Variants in SHISA7 observed in about 807,000 individuals in gnomAD.
The protein encoded by SHISA7 is shisa family member 7.
A neutral mutation model predicts 23.9 loss-of-function variants in SHISA7; 6 were observed. The ratio of observed to expected loss-of-function variants is 0.25; its 90% CI spans 0.14 to 0.50. The LOEUF (loss-of-function observed/expected upper bound fraction) is 0.50. SHISA7 is among the 20% of genes least tolerant of loss of function. The probability of loss-of-function intolerance (pLI) is 0.98; values close to 1 mark genes in which losing one functional copy is unlikely to be tolerated. For missense variants in SHISA7, 671 were observed against 801.1 expected (o/e 0.84, Z 1.96); for synonymous variants, 386 against 398.3 (o/e 0.97, Z 0.37).
intron 3 of SHISA7, among the ~76,000 whole-genome samples, chr19:55,436,316 A>C (rs999681537): frequency 6.7e-6 from 1 of 149,654 alleles, no homozygotes; most frequent in Non-Finnish European, 1.5e-5. Flanking sequence ...ATGAAACAAA[A>C]CAAAAAACGC....
At chr19:55,435,955 T>C (rs527283684) in intron 3 of SHISA7, among the ~76,000 whole-genome samples, 8 of 40,860 alleles carry the variant, frequency 2.0e-4, no homozygotes, top group African/African-American at 4.7e-4. Flanking sequence ...AATATACACA[T>C]GTGTGTGTGT....
Position 55,442,637 on chromosome 19 carries a change from GGCGCCCGGGCCGCC to G in SHISA7, c.213_226del (p.Ala72ProfsTer41). 1.5e-6 allele frequency: 2 copies of G among 1,355,806 alleles called. No homozygotes were observed. Among genetic ancestry groups the G allele is most frequent in the South Asian group, 1.5e-5 (1 of 66,860 alleles). 84.0% of individuals were successfully genotyped at this position (1,355,806 alleles called of 1,614,324 possible). A position where few individuals can be genotyped will look rare whatever the true frequency, so the allele number is the denominator to read the frequency against. On this transcript the variant is annotated frameshift_variant, in exon 1 of 4. Coordinates refer to ENST00000376325, the MANE Select transcript of SHISA7 (RefSeq NM_001145176.2). LOFTEE classifies it high-confidence loss of function. ...GCCGTGGCAGAGCTCGGCGGGAGGGGGCGCCCGGGCCGCCGCGCCCGCCCCGCCCGCGGGGCCGG... is the reference window on the plus strand; with the variant it reads ...GCCGTGGCAGAGCTCGGCGGGAGGGGGCGCCCGCCCCGCCCGCGGGGCCGG...
At chr19:55,441,420 TCTC>T (rs1457563570) in intron 1 of SHISA7, among the ~76,000 whole-genome samples, 2 of 152,196 alleles carry the variant, frequency 1.3e-5, no homozygotes, top group African/African-American at 2.4e-5. Context: ...CCCGCCTACT[TCTC>T]CTCACCTCCT....
Position 55,432,857 on chromosome 19 carries a change from A to T in SHISA7, c.*299T>A. On this transcript the variant is annotated 3_prime_UTR_variant, in exon 4 of 4. Coordinates refer to ENST00000376325, the MANE Select transcript of SHISA7 (RefSeq NM_001145176.2). The surrounding 1 kb of genome is among the most constrained non-coding windows in gnomAD (Gnocchi z 4.6). ...CGGCCTCTTCCTCTGTGATGACCTC[A>T]TGGGAACGAGGCTTTGTCCCTGTGA... 1 of 362,322 alleles carries T rather than the reference A, an allele frequency of 2.8e-6. No homozygotes were observed. 22.4% of individuals were successfully genotyped at this position (362,322 alleles called of 1,614,324 possible). A position where few individuals can be genotyped will look rare whatever the true frequency, so the allele number is the denominator to read the frequency against.
chr19:55,432,466 A>T lies in SHISA7; in HGVS notation c.*690T>A, dbSNP rs1216668998. On this transcript the variant is annotated 3_prime_UTR_variant, in exon 4 of 4. Coordinates refer to ENST00000376325, the MANE Select transcript of SHISA7 (RefSeq NM_001145176.2). The surrounding 1 kb of genome is among the most constrained non-coding windows in gnomAD (Gnocchi z 4.6). ...CTCTGGTGATGGCATCACAGGAAGG[A>T]GGCAGGGTCCCTGTGATGATGTTGT... is the stretch of plus-strand genomic sequence containing the variant. The T allele has an allele frequency of 6.6e-6, 1 of 152,592 alleles. No homozygotes were observed. The highest frequency in any genetic ancestry group is 1.5e-5 in the Non-Finnish European group (1 of 68,012). The allele number at this position is 152,592 out of a possible 1,614,324, so 9.5% of individuals were successfully genotyped here. A position where few individuals can be genotyped will look rare whatever the true frequency, so the allele number is the denominator to read the frequency against.
chr19:55,442,403 C>A lies in SHISA7; in HGVS notation c.461G>T (p.Gly154Val). Residue 154 changes from glycine to valine, a missense_variant, in exon 1 of 4, where the codon GGC (glycine) becomes GTC (valine). Gly to Val is a moderately radical substitution (Grantham distance 109). Around this residue, in one of 5 missense-constraint regions of SHISA7, gnomAD observed 59 missense variants for 57.2 expected, o/e 1.03. Coordinates refer to ENST00000376325, the MANE Select transcript of SHISA7 (RefSeq NM_001145176.2). ...AGGAGGAGGA[G>V]GGPGPGQAGW... The stretch of plus-strand genomic sequence containing the variant: ...GGCCTGGCCGGGCCCTGGCCCCCCG[C>A]CCGCACCCCCAGCGCCCCCGGCGCC... 7.2e-7 allele frequency: 1 copy of A among 1,379,810 alleles called. No homozygotes were observed. Among genetic ancestry groups the A allele is most frequent in the Non-Finnish European group, 9.4e-7 (1 of 1,069,470 alleles). The allele number at this position is 1,379,810 out of a possible 1,614,324, so 85.5% of individuals were successfully genotyped here.
rs1217967781 is a variant in SHISA7, at chr19:55,433,467, C to T, written c.1306G>A (p.Ala436Thr). 2 of 1,387,416 alleles carry T rather than the reference C, an allele frequency of 1.4e-6. No individual in the cohort carries two copies. Among genetic ancestry groups the T allele is most frequent in the Non-Finnish European group, 1.9e-6 (2 of 1,077,776 alleles). 85.9% of individuals were successfully genotyped at this position (1,387,416 alleles called of 1,614,324 possible). A position where few individuals can be genotyped will look rare whatever the true frequency, so the allele number is the denominator to read the frequency against. The change falls in exon 4 of 4, where the codon GCG (alanine) becomes ACG (threonine). Residue 436 changes from alanine to threonine, a missense_variant. By Grantham distance (58) the Ala-to-Thr change is moderately conservative. Around this residue, in one of 5 missense-constraint regions of SHISA7, gnomAD observed 457 missense variants for 488.3 expected, o/e 0.94. Transcript: ENST00000376325. The surrounding 1 kb of genome is among the most constrained non-coding windows in gnomAD (Gnocchi z 8.4). Reference sequence around the variant, plus strand: ...CGGGCGGTGGGGTCGGGGGGCAGCGCGGGGCTGCGCGGGGGCGACAGCAGG... The same window carrying T: ...CGGGCGGTGGGGTCGGGGGGCAGCGTGGGGCTGCGCGGGGGCGACAGCAGG... ...EHLLSPPRSPALPPDPTARAS... is the reference protein window; with the variant it reads ...EHLLSPPRSPTLPPDPTARAS...
chr19:55,432,468 G>T lies in SHISA7; in HGVS notation c.*688C>A, dbSNP rs139712863. 1 of 152,722 alleles carries T rather than the reference G, an allele frequency of 6.5e-6. No individual in the cohort carries two copies. Among genetic ancestry groups the T allele is most frequent in the African/African-American group, 2.4e-5 (1 of 41,552 alleles). 9.5% of individuals were successfully genotyped at this position (152,722 alleles called of 1,614,324 possible). A position where few individuals can be genotyped will look rare whatever the true frequency, so the allele number is the denominator to read the frequency against. ...CTGGTGATGGCATCACAGGAAGGAG[G>T]CAGGGTCCCTGTGATGATGTTGTGA... On this transcript the variant is annotated 3_prime_UTR_variant, in exon 4 of 4. Transcript: ENST00000376325. The surrounding 1 kb of genome is among the most constrained non-coding windows in gnomAD (Gnocchi z 4.6).
chr19:55,434,578 TG>T (rs1985334441), intron 3 of SHISA7, among the ~76,000 whole-genome samples: 1 of 91,014 alleles, frequency 1.1e-5, no homozygotes. Flanking sequence ...GTGTGTATGG[TG>T]TGTGTGTGGT....
intron 3 of SHISA7, among the ~76,000 whole-genome samples, chr19:55,436,351 T>C (rs1985459045): frequency 6.6e-6 from 1 of 151,414 alleles, no homozygotes; most frequent in Non-Finnish European, 1.5e-5. Flanking sequence ...CACGCCTTAA[T>C]CCCAGCACTT....
intron 3 of SHISA7, among the ~76,000 whole-genome samples, chr19:55,434,265 T>C (rs997748437): frequency 2.5e-4 from 35 of 141,970 alleles, no homozygotes; most frequent in Non-Finnish European, 1.2e-4. Context: ...TGCAGACGCG[T>C]GTGTGTGTGT....
chr19:55,440,306 G>T (rs1985565206), intron 2 of SHISA7, among the ~76,000 whole-genome samples: 2 of 152,226 alleles, frequency 1.3e-5, no homozygotes, highest in Non-Finnish European at 2.9e-5. Context: ...CTTGTGTGTA[G>T]TTGGCTGTTA....
At chr19:55,438,023 C>T (rs1291756708) in intron 2 of SHISA7, among the ~76,000 whole-genome samples, 1 of 144,060 alleles carries the variant, frequency 6.9e-6, no homozygotes, top group Non-Finnish European at 1.5e-5. Context: ...CTCCCTCAGA[C>T]CCAGGCGTCC....
chr19:55,439,347 T>C (rs1985541410), intron 2 of SHISA7, among the ~76,000 whole-genome samples: 1 of 152,194 alleles, frequency 6.6e-6, no homozygotes, highest in Admixed American at 6.5e-5. Flanking sequence ...TCTCCACCCC[T>C]GATCCCAGCT....
At chr19:55,439,712 C>T (rs772764499) in intron 2 of SHISA7, among the ~76,000 whole-genome samples, 5 of 151,874 alleles carry the variant, frequency 3.3e-5, no homozygotes, top group East Asian at 1.9e-4. Flanking sequence ...GCCCTTCTGA[C>T]GCCTCTCCTC....
Position 55,438,657 on chromosome 19 carries a change from C to T in SHISA7, c.827-903G>A, listed in dbSNP as rs115149150. The T allele has an allele frequency of 2.0e-3, 2,549 of 1,300,128 alleles. 32 individuals are homozygous for T. The African/African-American group carries it at 0.036, about 18-fold the overall frequency. The allele number at this position is 1,300,128 out of a possible 1,614,324, so 80.5% of individuals were successfully genotyped here. ...GGGACCGAGAAGGGAGATGATGTCACTGCCATCACTGACTCCCAGCTGGCA... is the reference window on the plus strand; with the variant it reads ...GGGACCGAGAAGGGAGATGATGTCATTGCCATCACTGACTCCCAGCTGGCA... On this transcript the variant is annotated intron_variant, in intron 2 of 3. Coordinates refer to ENST00000376325, the MANE Select transcript of SHISA7 (RefSeq NM_001145176.2).
At chr19:55,438,418 TG>T in intron 2 of SHISA7, 2 of 669,012 alleles carry the variant, frequency 3.0e-6, no homozygotes, top group South Asian at 1.7e-5. Context: ...CTTGGTGACC[TG>T]GCCAGACCAT....
At position 55,434,338 on chromosome 19, in the gene SHISA7, GT is replaced by G. The variant is rs1568450237; in HGVS notation, c.977-543del. Among the ~76,000 whole-genome samples, 3 of 136,924 alleles carry G rather than the reference GT, an allele frequency of 2.2e-5. No individual in the cohort carries two copies. In the Admixed American group the frequency reaches 2.3e-4, roughly 10 times the overall value. 89.8% of individuals were successfully genotyped at this position (136,924 alleles called of 152,430 possible). A position where few individuals can be genotyped will look rare whatever the true frequency, so the allele number is the denominator to read the frequency against. On this transcript the variant is annotated intron_variant, in intron 3 of 3. Coordinates refer to ENST00000376325, the MANE Select transcript of SHISA7 (RefSeq NM_001145176.2). ...TGTGTGTGTGTGGTGTGTGGTGTGTGTGCGTGTGTGGTGTATATGTGGTGTG... is the reference window on the plus strand; with the variant it reads ...TGTGTGTGTGTGGTGTGTGGTGTGTGGCGTGTGTGGTGTATATGTGGTGTG...
At chr19:55,435,182 TGTG>T (rs1985411984) in intron 3 of SHISA7, among the ~76,000 whole-genome samples, 1 of 106,350 alleles carries the variant, frequency 9.4e-6, no homozygotes, top group Non-Finnish European at 1.9e-5. Context: ...TGTGTGTGGT[TGTG>T]TGGTGTGTAT....
Sources: gnomAD v4.1 joint callset for allele counts (sites outside exome capture counted in the v4.1 genomes callset) on GRCh38, gnomAD v4.1.1 for gene constraint, gnomAD v4.1.1 regional missense constraint, Gnocchi (gnomAD v3.1) non-coding constraint, MANE v1.5 for transcripts, NCBI Gene and HGNC (gene_info 2026-07-23, HGNC 2026-07-21) for gene names.